The following CDH12 variants were observed in gnomAD, a reference collection of about 807,000 sequenced individuals.
CDH12 encodes the protein cadherin-12.
CDH12 carries 41 observed loss-of-function variants against 74.1 expected under a neutral mutation model. The observed-to-expected ratio is 0.55, with a 90% CI of 0.43 to 0.72. The LOEUF (loss-of-function observed/expected upper bound fraction) is 0.72. CDH12 is among the 30% of genes least tolerant of loss of function. The pLI is 0.00. For missense variants in CDH12, 945 were observed against 977.2 expected (o/e 0.97, Z 0.44); for synonymous variants, 399 against 355.0 (o/e 1.12, Z -1.39).
At position 22,029,448 on chromosome 5, in the gene CDH12, C is replaced by T. The variant is rs1351667686; in HGVS notation, c.231+48998G>A. Among the ~76,000 whole-genome samples, 854 of 151,550 alleles carry T rather than the reference C, an allele frequency of 5.6e-3. 8 individuals are homozygous for T. Among genetic ancestry groups the T allele is most frequent in the African/African-American group, 0.014 (589 of 41,328 alleles). ...ACAAACAACCCCATCAAAAAGTGGG[C>T]GAAGGATATGAACAGACACTTCTCA... On this transcript the variant is annotated intron_variant, in intron 5 of 14. Coordinates refer to ENST00000382254, the MANE Select transcript of CDH12 (RefSeq NM_004061.5).
intron 6 of CDH12, among the ~76,000 whole-genome samples, chr5:21,855,722 G>A (rs943836429): frequency 6.6e-6 from 1 of 151,526 alleles, no homozygotes; most frequent in African/African-American, 2.4e-5. Context: ...TTAATCTGCT[G>A]GAGGCACTCA....
At chr5:22,492,185 T>C (rs1160877863) in intron 2 of CDH12, among the ~76,000 whole-genome samples, 1 of 151,898 alleles carries the variant, frequency 6.6e-6, no homozygotes, top group Non-Finnish European at 1.5e-5. Flanking sequence ...TATTTCCTTC[T>C]CACCTCCAGA....
intron 12 of CDH12, among the ~76,000 whole-genome samples, chr5:21,764,164 G>A (rs1354520627): frequency 6.6e-6 from 1 of 152,072 alleles, no homozygotes; most frequent in Admixed American, 6.6e-5. Flanking sequence ...CACGAGGTCA[G>A]GAGATTGAGA....
intron 3 of CDH12, among the ~76,000 whole-genome samples, chr5:22,371,577 T>C (rs925803201): frequency 6.6e-6 from 1 of 152,166 alleles, no homozygotes; most frequent in East Asian, 1.9e-4. Flanking sequence ...AACCAACCAC[T>C]CTTATATATA....
At chr5:22,084,535 T>C (rs1742940753) in intron 4 of CDH12, among the ~76,000 whole-genome samples, 1 of 152,252 alleles carries the variant, frequency 6.6e-6, no homozygotes, top group Non-Finnish European at 1.5e-5. Context: ...ACAATAAATA[T>C]GACTAAGTAA....
At chr5:22,045,855 T>C (rs1739913447) in intron 5 of CDH12, among the ~76,000 whole-genome samples, 1 of 152,174 alleles carries the variant, frequency 6.6e-6, no homozygotes, top group African/African-American at 2.4e-5. Context: ...TTAAGAGGGA[T>C]AAATTTTTAT....
chr5:22,658,597 T>C (rs1301944043), intron 1 of CDH12, among the ~76,000 whole-genome samples: 1 of 152,084 alleles, frequency 6.6e-6, no homozygotes, highest in Non-Finnish European at 1.5e-5. Context: ...TTTTTGCTTG[T>C]CTTGGGGGTA....
intron 6 of CDH12, among the ~76,000 whole-genome samples, chr5:21,880,613 T>TCTCTCTCTC (rs1561268361): frequency 1.4e-4 from 12 of 88,510 alleles, no homozygotes; most frequent in African/African-American, 5.0e-4. Flanking sequence ...CCTTCCTTCC[T>TCTCTCTCTC]TCCTTCTTTC....
intron 6 of CDH12, among the ~76,000 whole-genome samples, chr5:21,973,918 A>G (rs1278708748): frequency 6.6e-6 from 1 of 152,170 alleles, no homozygotes; most frequent in Non-Finnish European, 1.5e-5. Flanking sequence ...TGTAGCAGGT[A>G]CTGAATAACA....
intron 4 of CDH12, among the ~76,000 whole-genome samples, chr5:22,109,765 G>T (rs1744702432): frequency 6.6e-6 from 1 of 152,138 alleles, no homozygotes; most frequent in African/African-American, 2.4e-5. Context: ...TATTGTAGAG[G>T]AGGCAAAACT....
chr5:21,773,967 T>C (rs1429203239), intron 11 of CDH12, among the ~76,000 whole-genome samples: 1 of 152,174 alleles, frequency 6.6e-6, no homozygotes, highest in African/African-American at 2.4e-5. Flanking sequence ...ATTATGACCT[T>C]ATTATTGTCT....
At position 22,771,441 on chromosome 5, in the gene CDH12, C is replaced by T. The variant is rs182814785; in HGVS notation, c.-523+81617G>A. ...CCCATTGTATCAGATCTTAAAGAAACAGTTGAAATAATCTAGTCCACACTT... is the reference window on the plus strand; with the variant it reads ...CCCATTGTATCAGATCTTAAAGAAATAGTTGAAATAATCTAGTCCACACTT... On this transcript the variant is annotated intron_variant, in intron 1 of 14. Transcript: ENST00000382254. Among the ~76,000 whole-genome samples the T allele has an allele frequency of 6.1e-3, 930 of 152,064 alleles. 7 individuals carry two copies. The highest frequency in any genetic ancestry group is 0.027 in the Middle Eastern group (8 of 294).
At chr5:21,851,044 A>G (rs957851763) in intron 7 of CDH12, among the ~76,000 whole-genome samples, 4 of 151,308 alleles carry the variant, frequency 2.6e-5, no homozygotes, top group African/African-American at 9.7e-5. Flanking sequence ...TATATTGTGT[A>G]TATTTTACCA....
At chr5:22,844,668 A>C (rs1327206802) in intron 1 of CDH12, among the ~76,000 whole-genome samples, 1 of 152,040 alleles carries the variant, frequency 6.6e-6, no homozygotes, top group East Asian at 1.9e-4. Context: ...AAAAGAAAAG[A>C]CTCTGTAGAG....
At chr5:22,180,129 A>G (rs1277094398) in intron 4 of CDH12, among the ~76,000 whole-genome samples, 1 of 152,192 alleles carries the variant, frequency 6.6e-6, no homozygotes. Flanking sequence ...AATAACATCT[A>G]CTGCAAACAT....
intron 3 of CDH12, among the ~76,000 whole-genome samples, chr5:22,231,065 T>C (rs1345459728): frequency 6.6e-6 from 1 of 152,178 alleles, no homozygotes; most frequent in Non-Finnish European, 1.5e-5. Flanking sequence ...ATGATTCTGA[T>C]GACACTGGCA....
intron 1 of CDH12, among the ~76,000 whole-genome samples, chr5:22,587,008 G>T (rs955568001): frequency 7.9e-5 from 12 of 151,786 alleles, no homozygotes; most frequent in Admixed American, 6.6e-4. Context: ...GCTAATTTTT[G>T]TATTTTTAAT....
At chr5:22,274,487 A>G (rs928886126) in intron 3 of CDH12, among the ~76,000 whole-genome samples, 3 of 152,140 alleles carry the variant, frequency 2.0e-5, no homozygotes, top group African/African-American at 7.2e-5. Context: ...AGACTTTAGA[A>G]TTGGACAATC....
At chr5:22,345,457 C>T (rs1358330233) in intron 3 of CDH12, among the ~76,000 whole-genome samples, 1 of 152,120 alleles carries the variant, frequency 6.6e-6, no homozygotes, top group African/African-American at 2.4e-5. Flanking sequence ...AAATCTAAAA[C>T]ACCAGATTTG....
Sources: allele counts gnomAD v4.1 joint callset (sites outside exome capture counted in the v4.1 genomes callset), GRCh38; gene constraint gnomAD v4.1.1; transcripts MANE v1.5; gene names NCBI Gene and HGNC (gene_info 2026-07-23, HGNC 2026-07-21).